SHANK1: variants seen among roughly 807,000 people sequenced by gnomAD.
SHANK1 encodes the protein SH3 and multiple ankyrin repeat domains 1, also known as SH3 and multiple ankyrin repeat domains protein 1.
Under a neutral mutation model 165.6 loss-of-function variants are expected in SHANK1, and 35 were observed. That is an observed-to-expected ratio of 0.21 (90% CI 0.16 to 0.28). The LOEUF (loss-of-function observed/expected upper bound fraction) is 0.28. SHANK1 is among the 10% of genes least tolerant of loss of function. The pLI, the probability that SHANK1 is intolerant of heterozygous loss-of-function variation, is 1.00. For missense variants in SHANK1, 2,681 were observed against 3,036.4 expected, an observed-to-expected ratio of 0.88 and a Z score of 2.75; for synonymous variants, 1,428 against 1,384.8, an observed-to-expected ratio of 1.03 and a Z score of -0.69.
intron 21 of SHANK1, among the ~76,000 whole-genome samples, chr19:50,679,103 G>A (rs900002050): frequency 1.7e-5 from 2 of 119,544 alleles, no homozygotes; most frequent in Admixed American, 8.0e-5. Flanking sequence ...GGAGGGGTCA[G>A]GGTGTGGGGA....
At position 50,697,664 on chromosome 19, in the gene SHANK1, T is replaced by C; in HGVS notation, c.1862A>G (p.Glu621Gly). The C allele has an allele frequency of 6.2e-7, 1 of 1,613,788 alleles. No homozygotes were observed. Among genetic ancestry groups the C allele is most frequent in the Non-Finnish European group, 8.5e-7 (1 of 1,179,826 alleles). ...TCTCTTTGCCTTGTCACTGCGGCTTTCTGCAGGGTGACAACAGACAACCTT... is the reference window on the plus strand; with the variant it reads ...TCTCTTTGCCTTGTCACTGCGGCTTCCTGCAGGGTGACAACAGACAACCTT... ...VANRSQESKQ[E>G]SRSDKAKRLF... Residue 621 changes from glutamate (E) to glycine (G), a missense_variant and splice_region_variant, in exon 14 of 24, where the codon GAA (glutamate) becomes GGA (glycine). Glu to Gly is a moderately conservative substitution (Grantham distance 98). This residue lies in a region of SHANK1 where 147 missense variants were observed against 256.5 expected (regional missense o/e 0.57). Transcript: ENST00000293441. This position sits in a 1 kb window ranked among gnomAD's most constrained non-coding sequence, Gnocchi z 4.7.
At position 50,697,558 on chromosome 19, in the gene SHANK1, G is replaced by A. The variant is rs1165035103; in HGVS notation, c.1937+31C>T. On this transcript the variant is annotated intron_variant, in intron 14 of 23. Transcript: ENST00000293441. The surrounding 1 kb of genome is among the most constrained non-coding windows in gnomAD (Gnocchi z 4.7). ...CATTGTGAAGGGAACTTGGGGTGAG[G>A]GGGGTTGCCCGAGGGTGTAAGGACA... is the stretch of plus-strand genomic sequence containing the variant. The A allele has an allele frequency of 6.5e-7, 1 of 1,547,570 alleles. No homozygotes were observed. Among genetic ancestry groups the A allele is most frequent in the Non-Finnish European group, 8.9e-7 (1 of 1,119,558 alleles).
rs771985358 is a variant in SHANK1 at position 50,702,258 on chromosome 19, A to T, written c.1747+209T>A. On this transcript the variant is annotated intron_variant, in intron 12 of 23. Transcript: ENST00000293441. This position sits in a 1 kb window ranked among gnomAD's most constrained non-coding sequence, Gnocchi z 5.3. Reference sequence around the variant, plus strand: ...CACGGCATCAGTGTCCCGCAGTGGGACACGGCTCACTTCACTGCCTCCTGA... The same window carrying T: ...CACGGCATCAGTGTCCCGCAGTGGGTCACGGCTCACTTCACTGCCTCCTGA... Among the ~76,000 whole-genome samples, 1 of 152,084 alleles carries T rather than the reference A, an allele frequency of 6.6e-6. No homozygotes were observed. The highest frequency in any genetic ancestry group is 1.9e-4 in the East Asian group (1 of 5,182).
intron 7 of SHANK1, 76 bp from the exon 8 acceptor site, chr19:50,711,563 C>T (rs912490119): frequency 2.1e-5 from 22 of 1,041,910 alleles, no homozygotes; most frequent in Non-Finnish European, 2.9e-5. Flanking sequence ...CTGTCTATGA[C>T]CTGTGCACTG....
At chr19:50,704,230 C>A (rs780653860) in intron 9 of SHANK1, 44 bp from the exon 10 acceptor site, 1 of 1,590,440 alleles carries the variant, frequency 6.3e-7, no homozygotes, top group Non-Finnish European at 8.6e-7. Flanking sequence ...GGGGCCCAGG[C>A]AGCAGAGAGA....
intron 8 of SHANK1, among the ~76,000 whole-genome samples, chr19:50,705,611 C>G (rs1000987678): frequency 3.9e-5 from 6 of 152,072 alleles, no homozygotes; most frequent in African/African-American, 1.2e-4. Flanking sequence ...TCCCCGGTCT[C>G]TACCACTAGA....
At position 50,708,381 on chromosome 19, in the gene SHANK1, T is replaced by C. The variant is rs1388108117; in HGVS notation, c.1077+2990A>G. 2.6e-5 allele frequency among the ~76,000 whole-genome samples: 4 copies of C among 152,190 alleles called. No homozygotes were observed. In the East Asian group the frequency reaches 7.7e-4, roughly 29 times the overall value. On this transcript the variant is annotated intron_variant, in intron 8 of 23. Coordinates refer to ENST00000293441, the MANE Select transcript of SHANK1 (RefSeq NM_016148.5). ...AGTCAGAGTTGATGGCTCCCTCCCCTGGGCACCAAGAGAAACTCGCATTTA... is the reference window on the plus strand; with the variant it reads ...AGTCAGAGTTGATGGCTCCCTCCCCCGGGCACCAAGAGAAACTCGCATTTA...
chr19:50,671,022 G>C (rs111340648), intron 22 of SHANK1, among the ~76,000 whole-genome samples: 6,025 of 151,778 alleles, frequency 0.04, 416 homozygotes, highest in African/African-American at 0.14. Flanking sequence ...TTGAACTCCT[G>C]ACCTTGTGAT....
chr19:50,697,544 G>T lies in SHANK1; in HGVS notation c.1937+45C>A. On this transcript the variant is annotated intron_variant, in intron 14 of 23. Transcript: ENST00000293441. The surrounding 1 kb of genome is among the most constrained non-coding windows in gnomAD (Gnocchi z 4.7). Reference sequence around the variant, plus strand: ...TATTTAAAGGTGTACATTGTGAAGGGAACTTGGGGTGAGGGGGGTTGCCCG... The same window carrying T: ...TATTTAAAGGTGTACATTGTGAAGGTAACTTGGGGTGAGGGGGGTTGCCCG... 7.2e-7 allele frequency: 1 copy of T among 1,395,832 alleles called. No homozygotes were observed. The highest frequency in any genetic ancestry group is 1.0e-6 in the Non-Finnish European group (1 of 981,168). The allele number at this position is 1,395,832 out of a possible 1,614,324, so 86.5% of individuals were successfully genotyped here. A position where few individuals can be genotyped will look rare whatever the true frequency, so the allele number is the denominator to read the frequency against.
intron 3 of SHANK1, 86 bp from the exon 4 acceptor site, chr19:50,715,816 G>T: frequency 2.3e-6 from 3 of 1,283,570 alleles, no homozygotes; most frequent in South Asian, 1.2e-5. Context: ...GGGAAGGTCT[G>T]ATCCCCTTCT....
rs1432061446 is a variant in SHANK1, at chr19:50,662,957, TA to T, written c.5769-276del. On this transcript the variant is annotated intron_variant, in intron 23 of 23. Coordinates refer to ENST00000293441, the MANE Select transcript of SHANK1 (RefSeq NM_016148.5). The surrounding 1 kb of genome is among the most constrained non-coding windows in gnomAD (Gnocchi z 7.7). ...AAGAGACATTAAGTGATAATAATAATAATCGTCACCGCTTACTGATGCTCAC... is the reference window on the plus strand; with the variant it reads ...AAGAGACATTAAGTGATAATAATAATATCGTCACCGCTTACTGATGCTCAC... The T allele has an allele frequency of 2.1e-6, 1 of 477,920 alleles. No individual in the cohort carries two copies. The highest frequency in any genetic ancestry group is 3.8e-6 in the Non-Finnish European group (1 of 264,050). 29.6% of individuals were successfully genotyped at this position (477,920 alleles called of 1,614,324 possible). A position where few individuals can be genotyped will look rare whatever the true frequency, so the allele number is the denominator to read the frequency against.
rs1390499929 is a variant in SHANK1, at chr19:50,660,734, C to T, written c.*1231G>A. 3.7e-5 allele frequency among the ~76,000 whole-genome samples: 3 copies of T among 80,368 alleles called. No homozygotes were observed. Among genetic ancestry groups the T allele is most frequent in the East Asian group, 2.8e-4 (1 of 3,528 alleles). 52.7% of individuals were successfully genotyped at this position (80,368 alleles called of 152,430 possible). On this transcript the variant is annotated 3_prime_UTR_variant, in exon 24 of 24. Coordinates refer to ENST00000293441, the MANE Select transcript of SHANK1 (RefSeq NM_016148.5). Reference sequence around the variant, plus strand: ...GCACTGAAAATGCTGGGGGGGGGGGCGCGTGTGCAAAAGCAAGTGTGCAAG... The same window carrying T: ...GCACTGAAAATGCTGGGGGGGGGGGTGCGTGTGCAAAAGCAAGTGTGCAAG...
rs750439421 is a variant in SHANK1 at position 50,672,061 on chromosome 19, G to C, written c.2631C>G (p.Phe877Leu). 10 of 1,613,902 alleles carry C rather than the reference G, an allele frequency of 6.2e-6. No individual in the cohort carries two copies. The South Asian group carries it at 1.1e-4, about 18-fold the overall frequency. The change falls in exon 22 of 24, where the codon TTC (phenylalanine) becomes TTG (leucine). Residue 877 changes from phenylalanine (F) to leucine (L), a missense_variant. Phe to Leu is a conservative substitution (Grantham distance 22, BLOSUM62 0). Coordinates refer to ENST00000293441, the MANE Select transcript of SHANK1 (RefSeq NM_016148.5). ...GCATCAACCCAGGTCCTGGAGGCAG[G>C]AAAGAAGGACGCTCGTAACTTGGCT... ...RAQPSYERPS[F>L]LPPGPGLMLR...
At position 50,688,262 on chromosome 19, in the gene SHANK1, G is replaced by A. The variant is rs1986424815; in HGVS notation, c.2173-204C>T. On this transcript the variant is annotated intron_variant, in intron 17 of 23. Transcript: ENST00000293441. The surrounding 1 kb of genome is among the most constrained non-coding windows in gnomAD (Gnocchi z 6.7). ...CCCTGGCCCCAGGGTTGGGGGAGAG[G>A]CTCAGCCTACCCTATTCACTTCCCC... is the stretch of plus-strand genomic sequence containing the variant. Among the ~76,000 whole-genome samples, 1 of 152,108 alleles carries A rather than the reference G, an allele frequency of 6.6e-6. No individual in the cohort carries two copies. Among genetic ancestry groups the A allele is most frequent in the Non-Finnish European group, 1.5e-5 (1 of 68,008 alleles).
intron 12 of SHANK1, among the ~76,000 whole-genome samples, chr19:50,700,211 A>G (rs550861067): frequency 4.1e-4 from 59 of 143,834 alleles, no homozygotes; most frequent in African/African-American, 1.5e-3. Context: ...GACTCGGGGC[A>G]TTGGAGGATT....
In SHANK1 at chr19:50,711,225, A is replaced by G. The variant is rs755561176; in HGVS notation, c.1077+146T>C. On this transcript the variant is annotated intron_variant, in intron 8 of 23. Coordinates refer to ENST00000293441, the MANE Select transcript of SHANK1 (RefSeq NM_016148.5). ...GGATGGATGGATGGATGGAGGAATG[A>G]ATGGAGGAATGACTGGATGAAAGGG... is the stretch of plus-strand genomic sequence containing the variant. 4 of 551,694 alleles carry G rather than the reference A, an allele frequency of 7.3e-6. No homozygotes were observed. The Admixed American group carries it at 9.3e-5, about 13-fold the overall frequency. 34.2% of individuals were successfully genotyped at this position (551,694 alleles called of 1,614,324 possible). A position where few individuals can be genotyped will look rare whatever the true frequency, so the allele number is the denominator to read the frequency against.
intron 19 of SHANK1, 84 bp downstream of exon 19, chr19:50,687,497 AC>A: frequency 9.3e-7 from 1 of 1,080,070 alleles, no homozygotes; most frequent in East Asian, 2.7e-5. Flanking sequence ...CTGGTCACTA[AC>A]AACACTAACG....
intron 9 of SHANK1, 54 bp from the exon 10 acceptor site, chr19:50,704,240 A>G: frequency 6.4e-7 from 1 of 1,567,944 alleles, no homozygotes; most frequent in African/African-American, 1.4e-5. Context: ...CAGCAGAGAG[A>G]GGGCAGGGAA....
chr19:50,671,047 C>T (rs1468725036), intron 22 of SHANK1, among the ~76,000 whole-genome samples: 2 of 151,928 alleles, frequency 1.3e-5, no homozygotes, highest in East Asian at 3.9e-4. Flanking sequence ...CTGCCTCGGC[C>T]TCCCAAAGTG....
Sources: allele counts gnomAD v4.1 joint callset (sites outside exome capture counted in the v4.1 genomes callset), GRCh38; gene constraint gnomAD v4.1.1; regional missense constraint gnomAD v4.1.1; non-coding constraint Gnocchi (gnomAD v3.1); transcripts MANE v1.5; gene names NCBI Gene and HGNC (gene_info 2026-07-23, HGNC 2026-07-21).